The following CLIC5 variants were observed in gnomAD, a reference collection of about 807,000 sequenced individuals.
CLIC5 encodes the protein chloride intracellular channel protein 5.
A neutral mutation model predicts 24.7 loss-of-function variants in CLIC5; 20 were observed. That is an observed-to-expected ratio of 0.81 (90% CI 0.57 to 1.18). The LOEUF is 1.18. Ranked by LOEUF, CLIC5 falls within the 50% of genes most tolerant of loss-of-function variation. The pLI is 0.00. For missense variants in CLIC5, 341 were observed against 326.1 expected, an observed-to-expected ratio of 1.05 and a Z score of -0.35; for synonymous variants, 159 against 135.6, an observed-to-expected ratio of 1.17 and a Z score of -1.20.
At chr6:45,956,703 A>G (rs1431735448) in intron 1 of CLIC5, among the ~76,000 whole-genome samples, 2 of 152,158 alleles carry the variant, frequency 1.3e-5, no homozygotes, top group Non-Finnish European at 2.9e-5. Context: ...TGTTGGCTGC[A>G]TGTAATTGCT....
At chr6:45,958,441 T>C (rs1581791704) in intron 1 of CLIC5, among the ~76,000 whole-genome samples, 10 of 17,942 alleles carry the variant, frequency 5.6e-4, no homozygotes, top group African/African-American at 1.6e-3. Flanking sequence ...TATATATATA[T>C]ATATATATAT....
intron 5 of CLIC5, among the ~76,000 whole-genome samples, chr6:45,905,336 A>G (rs1472958111): frequency 6.6e-6 from 1 of 152,224 alleles, no homozygotes; most frequent in African/African-American, 2.4e-5. Flanking sequence ...TCCCATTAAC[A>G]CTGTATAAGT....
intron 1 of CLIC5, among the ~76,000 whole-genome samples, chr6:45,962,063 TACACACACAC>T (rs74732121): frequency 5.5e-5 from 8 of 145,506 alleles, no homozygotes; most frequent in African/African-American, 1.8e-4. Flanking sequence ...TATATGTACA[TACACACACAC>T]ACACACACAC....
intron 4 of CLIC5, among the ~76,000 whole-genome samples, chr6:45,918,610 G>A (rs750946332): frequency 3.9e-5 from 6 of 152,256 alleles, no homozygotes; most frequent in Non-Finnish European, 7.3e-5. Flanking sequence ...TTTTTCTCTT[G>A]TATGTGTGTT....
chr6:46,061,438 G>A lies in CLIC5; in HGVS notation c.540+18265C>T, dbSNP rs947308794. Among the ~76,000 whole-genome samples, 53 of 152,304 alleles carry A rather than the reference G, an allele frequency of 3.5e-4. 1 individual carries two copies. The highest frequency in any genetic ancestry group is 3.4e-3 in the Middle Eastern group (1 of 294). ...GATCTCCTGACCTTGTGAGCTGCCC[G>A]CCTTGGCCTGCCAAAGTGTTGGGAA... On this transcript the variant is annotated intron_variant, in intron 1 of 5. Coordinates refer to the CLIC5 transcript ENST00000185206.
chr6:46,108,452 A>C, the CLIC5 span, among the ~76,000 whole-genome samples: 2 of 150,682 alleles, frequency 1.3e-5, no homozygotes, highest in Non-Finnish European at 2.9e-5. Context: ...GCTGGAGTGC[A>C]ATGGTGCGGT....
At chr6:46,074,576 C>T (rs904640585) in intron 1 of CLIC5, among the ~76,000 whole-genome samples, 1 of 152,196 alleles carries the variant, frequency 6.6e-6, no homozygotes, top group South Asian at 2.1e-4. Flanking sequence ...TGCATCCCCG[C>T]ATGAGGGCCC....
chr6:45,942,823 C>A (rs961061761), intron 3 of CLIC5, among the ~76,000 whole-genome samples: 2 of 152,188 alleles, frequency 1.3e-5, no homozygotes, highest in Non-Finnish European at 2.9e-5. Context: ...TTGGAAGAGT[C>A]CAGCTCTCTG....
At position 46,025,870 on chromosome 6, in the gene CLIC5, C is replaced by G. The variant is rs540774571; in HGVS notation, c.540+53833G>C. Among the ~76,000 whole-genome samples, 18 of 152,228 alleles carry G rather than the reference C, an allele frequency of 1.2e-4. No homozygotes were observed. The South Asian group carries it at 3.5e-3, about 30-fold the overall frequency. ...TGGTTTAAAAGTCTGTGGCACTTCC[C>G]CCTTTGTTCTCTCTCTCTCCTCCCG... On this transcript the variant is annotated intron_variant, in intron 1 of 5. Coordinates refer to the CLIC5 transcript ENST00000185206.
chr6:46,040,095 A>G (rs1275729695), intron 1 of CLIC5, among the ~76,000 whole-genome samples: 1 of 152,228 alleles, frequency 6.6e-6, no homozygotes, highest in East Asian at 1.9e-4. Context: ...TGAGGATAAA[A>G]TGATTAATGT....
the CLIC5 span, among the ~76,000 whole-genome samples, chr6:46,089,051 A>G: frequency 6.6e-6 from 1 of 152,270 alleles, no homozygotes; most frequent in Admixed American, 6.5e-5. Flanking sequence ...TAGATACTGT[A>G]CTCAATTGAT....
At chr6:46,123,200 C>T in the CLIC5 span, 3 of 152,100 alleles carry the variant, frequency 2.0e-5, no homozygotes, top group East Asian at 3.8e-4. Context: ...ACTGGCAAAC[C>T]GAATCCAGCA....
the CLIC5 span, among the ~76,000 whole-genome samples, chr6:46,090,416 T>TC: frequency 1.3e-5 from 2 of 151,946 alleles, no homozygotes; most frequent in African/African-American, 4.8e-5. Context: ...TTTTTTTTTT[T>TC]TTTCCACTTC....
chr6:46,017,454 T>A (rs1183060452), upstream of CLIC5, among the ~76,000 whole-genome samples: 1 of 152,226 alleles, frequency 6.6e-6, no homozygotes, highest in Non-Finnish European at 1.5e-5. Context: ...ATGAAGTATT[T>A]AAGTAACTTA....
At chr6:46,042,506 G>A (rs1421575487) in intron 1 of CLIC5, among the ~76,000 whole-genome samples, 4 of 152,104 alleles carry the variant, frequency 2.6e-5, no homozygotes, top group Non-Finnish European at 2.9e-5. Context: ...GAGGCCACTC[G>A]GGGTGTTTAG....
At chr6:46,059,236 A>G (rs972136205) in intron 1 of CLIC5, among the ~76,000 whole-genome samples, 1 of 152,202 alleles carries the variant, frequency 6.6e-6, no homozygotes, top group Non-Finnish European at 1.5e-5. Flanking sequence ...ATCCTTCTGG[A>G]GAGATAATCA....
chr6:45,990,898 A>G (rs1765912987), intron 1 of CLIC5, among the ~76,000 whole-genome samples: 1 of 152,304 alleles, frequency 6.6e-6, no homozygotes, highest in Admixed American at 6.5e-5. Context: ...ATCTTGGAAA[A>G]GGGACTGGAT....
rs756451433 is a variant in CLIC5, at chr6:45,955,151, T to C, written c.157A>G (p.Thr53Ala). 6.2e-7 allele frequency: 1 copy of C among 1,612,508 alleles called. No individual in the cohort carries two copies. Among genetic ancestry groups the C allele is most frequent in the Non-Finnish European group, 8.5e-7 (1 of 1,178,704 alleles). Residue 53 changes from threonine to alanine, a missense_variant, in exon 2 of 6, where the codon ACT becomes GCT. Coordinates refer to ENST00000339561, the MANE Select transcript of CLIC5 (RefSeq NM_016929.5). Reference sequence around the variant, plus strand: ...GTACGTTACCTTTTCAGATCCACAGTGGTGACATTGAACACGACTCCTTTC... The same window carrying C: ...GTACGTTACCTTTTCAGATCCACAGCGGTGACATTGAACACGACTCCTTTC... ...WLKGVVFNVT[T>A]VDLKRKPADL...
chr6:46,037,627 T>C (rs929451231), intron 1 of CLIC5, among the ~76,000 whole-genome samples: 1 of 152,354 alleles, frequency 6.6e-6, no homozygotes, highest in Non-Finnish European at 1.5e-5. Flanking sequence ...TTTTATGTGT[T>C]GGGCACCCTA....
Sources: allele counts gnomAD v4.1 joint callset (sites outside exome capture counted in the v4.1 genomes callset), GRCh38; gene constraint gnomAD v4.1.1; transcripts MANE v1.5; gene names NCBI Gene and HGNC (gene_info 2026-07-23, HGNC 2026-07-21).